TP63: variants seen among roughly 807,000 people sequenced by gnomAD.
TP63 encodes tumor protein p63.
Under a neutral mutation model 82.8 loss-of-function variants are expected in TP63, and 17 were observed. The ratio of observed to expected loss-of-function variants is 0.21; its 90% CI spans 0.14 to 0.31. The LOEUF (loss-of-function observed/expected upper bound fraction) is 0.31, where lower values mean the gene tolerates loss of function less well. Ranked by LOEUF, TP63 falls within the 10% of genes least tolerant of loss-of-function variation. The pLI is 1.00. For missense variants in TP63, 648 were observed against 895.3 expected (o/e 0.72, Z 3.52); for synonymous variants, 330 against 321.7 (o/e 1.03, Z -0.28).
intron 3 of TP63, among the ~76,000 whole-genome samples, chr3:189,749,805 A>G (rs1721663518): frequency 6.6e-6 from 1 of 152,234 alleles, no homozygotes; most frequent in African/African-American, 2.4e-5. Context: ...GTATATATAC[A>G]CAATGGAATA....
At chr3:189,610,287 G>T in the TP63 span, among the ~76,000 whole-genome samples, 1 of 152,092 alleles carries the variant, frequency 6.6e-6, no homozygotes, top group Non-Finnish European at 1.5e-5. Flanking sequence ...ACCTTTGTCA[G>T]ATGCATAGTT....
intron 10 of TP63, among the ~76,000 whole-genome samples, chr3:189,878,360 G>T (rs1719473393): frequency 6.8e-6 from 1 of 148,080 alleles, no homozygotes; most frequent in African/African-American, 2.5e-5. Context: ...AGTTATTATG[G>T]AACTACACAA....
At chr3:189,778,467 T>C (rs959308016) in intron 3 of TP63, among the ~76,000 whole-genome samples, 1 of 152,214 alleles carries the variant, frequency 6.6e-6, no homozygotes, top group Non-Finnish European at 1.5e-5. Flanking sequence ...TTTCCTATTA[T>C]GTGAACCAGT....
chr3:189,774,544 A>G (rs923519468), intron 3 of TP63, among the ~76,000 whole-genome samples: 3 of 152,182 alleles, frequency 2.0e-5, no homozygotes, highest in Admixed American at 1.3e-4. Context: ...ATAAAGATAT[A>G]TGCATCGCTG....
At chr3:189,869,864 A>G (rs1718205168) in intron 9 of TP63, among the ~76,000 whole-genome samples, 1 of 152,142 alleles carries the variant, frequency 6.6e-6, no homozygotes, top group South Asian at 2.1e-4. Context: ...AGAAACCTTC[A>G]GTCCATAATG....
intron 3 of TP63, among the ~76,000 whole-genome samples, chr3:189,807,614 G>T (rs1288301021): frequency 6.6e-6 from 1 of 152,074 alleles, no homozygotes; most frequent in Non-Finnish European, 1.5e-5. Flanking sequence ...AAATAAAAAA[G>T]AATTAGACCA....
At chr3:189,645,367 G>T in intron 1 of TP63, 1 of 524,404 alleles carries the variant, frequency 1.9e-6, no homozygotes, top group Non-Finnish European at 3.6e-6. Flanking sequence ...ACTGTACTGG[G>T]TATTCCAGCT....
the TP63 span, among the ~76,000 whole-genome samples, chr3:189,620,222 T>C: frequency 6.8e-6 from 1 of 146,346 alleles, no homozygotes; most frequent in East Asian, 2.0e-4. Context: ...AATACAAAAC[T>C]TAGCTGAGCA....
intron 1 of TP63, among the ~76,000 whole-genome samples, chr3:189,734,389 T>A (rs1720422449): frequency 6.6e-6 from 1 of 152,060 alleles, no homozygotes; most frequent in Admixed American, 6.6e-5. Flanking sequence ...ACCCTCTTCC[T>A]GCCCTCTCCA....
chr3:189,761,777 A>G (rs1447226746), intron 3 of TP63, among the ~76,000 whole-genome samples: 5 of 152,226 alleles, frequency 3.3e-5, no homozygotes, highest in Non-Finnish European at 7.3e-5. Flanking sequence ...TTTAAAAAAG[A>G]AAGAGGTTTA....
intron 1 of TP63, among the ~76,000 whole-genome samples, chr3:189,714,596 G>C (rs1172107664): frequency 3.3e-5 from 5 of 152,108 alleles, no homozygotes; most frequent in African/African-American, 1.2e-4. Context: ...TTTCAAGACT[G>C]TATCTCTCAC....
intron 3 of TP63, among the ~76,000 whole-genome samples, chr3:189,799,502 C>T (rs1726061908): frequency 6.6e-6 from 1 of 152,040 alleles, no homozygotes; most frequent in African/African-American, 2.4e-5. Flanking sequence ...AAACCTAGAC[C>T]ATCAGGTTAA....
intron 3 of TP63, among the ~76,000 whole-genome samples, chr3:189,743,193 A>G (rs1721128767): frequency 6.6e-6 from 1 of 152,236 alleles, no homozygotes; most frequent in Non-Finnish European, 1.5e-5. Flanking sequence ...TGATTAATGT[A>G]CAAATGTTTA....
rs80073513 is a variant in TP63, at chr3:189,818,960, A to G, written c.579+10434A>G. Reference sequence around the variant, plus strand: ...TTAGACCCAGAGTTTGTCTTTAAACACAATTCAAGTTTATCACCTTTCTTA... The same window carrying G: ...TTAGACCCAGAGTTTGTCTTTAAACGCAATTCAAGTTTATCACCTTTCTTA... On this transcript the variant is annotated intron_variant, in intron 4 of 13. Coordinates refer to ENST00000264731, the MANE Select transcript of TP63 (RefSeq NM_003722.5). Among the ~76,000 whole-genome samples, 847 of 152,338 alleles carry G rather than the reference A, an allele frequency of 5.6e-3. 2 individuals carry two copies. Among genetic ancestry groups the G allele is most frequent in the Non-Finnish European group, 9.7e-3 (657 of 68,022 alleles).
intron 10 of TP63, among the ~76,000 whole-genome samples, chr3:189,878,018 T>G (rs1379798778): frequency 6.6e-6 from 1 of 152,048 alleles, no homozygotes; most frequent in Non-Finnish European, 1.5e-5. Context: ...GCCTGGCACG[T>G]TTTTCTGACT....
intron 4 of TP63, among the ~76,000 whole-genome samples, chr3:189,840,465 C>CGT (rs1364806147): frequency 6.6e-4 from 86 of 129,360 alleles, no homozygotes; most frequent in African/African-American, 2.3e-3. Context: ...AGATTGTGTA[C>CGT]GTGTGTGTGT....
intron 1 of TP63, among the ~76,000 whole-genome samples, chr3:189,688,283 A>G (rs1405706257): frequency 1.3e-5 from 2 of 152,228 alleles, no homozygotes; most frequent in African/African-American, 2.4e-5. Context: ...CAATTTAACT[A>G]AAGTCTCCAC....
intron 1 of TP63, among the ~76,000 whole-genome samples, chr3:189,672,189 A>T (rs1714947032): frequency 6.6e-6 from 1 of 152,146 alleles, no homozygotes; most frequent in South Asian, 2.1e-4. Flanking sequence ...CTGTAAACTA[A>T]ACATAAAAGG....
chr3:189,630,405 G>A (rs1729415266), upstream of TP63, among the ~76,000 whole-genome samples: 1 of 152,046 alleles, frequency 6.6e-6, no homozygotes, highest in Non-Finnish European at 1.5e-5. Flanking sequence ...ATTCAGAAAG[G>A]AAATAAATTA....
Sources: gnomAD v4.1 joint callset for allele counts (sites outside exome capture counted in the v4.1 genomes callset) on GRCh38, gnomAD v4.1.1 for gene constraint, MANE v1.5 for transcripts, NCBI Gene and HGNC (gene_info 2026-07-23, HGNC 2026-07-21) for gene names.